Variants in ERC1 observed in about 807,000 individuals in gnomAD.
ERC1 encodes RAB6 interacting protein 2.
Under a neutral mutation model 132.0 loss-of-function variants are expected in ERC1, and 56 were observed. The observed-to-expected ratio is 0.42, with a 90% CI of 0.34 to 0.53. The LOEUF (loss-of-function observed/expected upper bound fraction) is 0.53, where lower values mean the gene tolerates loss of function less well. Among genes scored for constraint, ERC1 ranks in the 20% least tolerant of loss-of-function variants. The pLI, the probability that ERC1 is intolerant of heterozygous loss-of-function variation, is 0.03. For missense variants in ERC1, 1,202 were observed against 1,349.9 expected (o/e 0.89, Z 1.72); for synonymous variants, 478 against 476.1 (o/e 1.00, Z -0.05).
At chr12:1,314,652 T>C (rs1213817050) in intron 15 of ERC1, among the ~76,000 whole-genome samples, 1 of 152,226 alleles carries the variant, frequency 6.6e-6, no homozygotes, top group Non-Finnish European at 1.5e-5. Flanking sequence ...TTTACTGTAG[T>C]AATTTGTGTG....
chr12:1,124,890 GAAC>G (rs1475032107), intron 7 of ERC1, among the ~76,000 whole-genome samples: 1 of 152,036 alleles, frequency 6.6e-6, no homozygotes, highest in African/African-American at 2.4e-5. Context: ...GAGAAAACAT[GAAC>G]AACAGTCGTT....
At chr12:997,682 G>A (rs1190973824) in intron 1 of ERC1, among the ~76,000 whole-genome samples, 1 of 152,202 alleles carries the variant, frequency 6.6e-6, no homozygotes, top group African/African-American at 2.4e-5. Context: ...CTGTGCTGCT[G>A]AATAGCATGA....
intron 12 of ERC1, chr12:1,190,290 A>T: frequency 1.6e-6 from 1 of 623,176 alleles, no homozygotes; most frequent in East Asian, 3.2e-5. Context: ...ATTGATTGGC[A>T]AAAAAGAGAG....
At chr12:1,284,002 C>T (rs1446470981) in intron 14 of ERC1, among the ~76,000 whole-genome samples, 2 of 152,118 alleles carry the variant, frequency 1.3e-5, no homozygotes, top group South Asian at 2.1e-4. Context: ...ACAACTTACT[C>T]CTTCTATCTA....
intron 13 of ERC1, among the ~76,000 whole-genome samples, chr12:1,247,795 A>G (rs1373403862): frequency 1.3e-5 from 2 of 152,084 alleles, no homozygotes; most frequent in Non-Finnish European, 2.9e-5. Context: ...TCAGGAGTTC[A>G]AGACCAGCAT....
chr12:1,020,272 T>C (rs1966150475), intron 1 of ERC1, among the ~76,000 whole-genome samples: 1 of 152,032 alleles, frequency 6.6e-6, no homozygotes, highest in African/African-American at 2.4e-5. Flanking sequence ...GCCTGGCCAA[T>C]ATGGCGAAAC....
At chr12:1,042,569 C>G (rs1050657013) in intron 2 of ERC1, among the ~76,000 whole-genome samples, 2 of 150,648 alleles carry the variant, frequency 1.3e-5, no homozygotes, top group Non-Finnish European at 3.0e-5. Context: ...AACTCCTGAA[C>G]CCAAGTGATC....
chr12:1,030,312 TAAG>T (rs1967774486), intron 2 of ERC1, among the ~76,000 whole-genome samples: 1 of 152,192 alleles, frequency 6.6e-6, no homozygotes, highest in African/African-American at 2.4e-5. Context: ...TAAATGATAC[TAAG>T]AAGTAAAGAA....
chr12:1,004,806 CTGTGTGTG>C (rs60674277), intron 1 of ERC1, among the ~76,000 whole-genome samples: 48,118 of 146,634 alleles, frequency 0.33, 8,715 homozygotes, highest in East Asian at 0.66. Context: ...CTGCCTTTTT[CTGTGTGTG>C]TGTGTGTGTG....
At chr12:1,462,968 A>G (rs59958241) in intron 18 of ERC1, among the ~76,000 whole-genome samples, 1,769 of 152,010 alleles carry the variant, frequency 0.012, 25 homozygotes, top group African/African-American at 0.039. Flanking sequence ...CCAGCCTCCC[A>G]TCAGAGGCTG....
At chr12:1,462,945 T>C (rs551343499) in intron 18 of ERC1, among the ~76,000 whole-genome samples, 2 of 152,218 alleles carry the variant, frequency 1.3e-5, no homozygotes, top group East Asian at 1.9e-4. Flanking sequence ...CTTTTTTTTT[T>C]CCACCGTAAA....
At chr12:1,471,332 G>A (rs1265975068) in intron 18 of ERC1, among the ~76,000 whole-genome samples, 5 of 152,124 alleles carry the variant, frequency 3.3e-5, no homozygotes, top group African/African-American at 4.8e-5. Context: ...AGACTATCAC[G>A]TAGAAAAAAC....
chr12:1,116,222 G>A, intron 7 of ERC1, 189 bp downstream of exon 7: 1 of 468,436 alleles, frequency 2.1e-6, no homozygotes. Context: ...GATCTAACAA[G>A]TTAAAACAGG....
At chr12:1,046,219 A>G (rs1341893550) in intron 2 of ERC1, among the ~76,000 whole-genome samples, 1 of 152,204 alleles carries the variant, frequency 6.6e-6, no homozygotes, top group African/African-American at 2.4e-5. Context: ...TCATTCCACA[A>G]TAAGAGACAG....
At chr12:1,345,993 C>T (rs779208452) in intron 15 of ERC1, among the ~76,000 whole-genome samples, 7 of 152,142 alleles carry the variant, frequency 4.6e-5, no homozygotes, top group Non-Finnish European at 1.0e-4. Context: ...TTCCCGGATG[C>T]TCTCTTCCTG....
chr12:1,254,426 T>C (rs2076661173), intron 13 of ERC1, among the ~76,000 whole-genome samples: 1 of 152,226 alleles, frequency 6.6e-6, no homozygotes. Context: ...CTCCAAACAG[T>C]ACCTGTGTTA....
intron 17 of ERC1, among the ~76,000 whole-genome samples, chr12:1,442,630 AT>A (rs1436449547): frequency 6.6e-6 from 1 of 152,230 alleles, no homozygotes; most frequent in Non-Finnish European, 1.5e-5. Context: ...CAAGCTGAAG[AT>A]TGTTTTAGCC....
At chr12:1,196,976 ATTTTTTTT>A (rs1172269593) in intron 12 of ERC1, among the ~76,000 whole-genome samples, 6,243 of 73,320 alleles carry the variant, frequency 0.085, 995 homozygotes, top group African/African-American at 0.27. Flanking sequence ...ATATATATAT[ATTTTTTTT>A]TTTTTTTTTT....
rs200038035 is a variant in ERC1, at chr12:1,187,929, C to G, written c.2158-1930C>G. Among the ~76,000 whole-genome samples, 65 of 152,234 alleles carry G rather than the reference C, an allele frequency of 4.3e-4. 1 individual carries two copies. The East Asian group carries it at 0.01, about 24-fold the overall frequency. On this transcript the variant is annotated intron_variant, in intron 11 of 18. Transcript: ENST00000360905. ...TATATCAAGGAGAACTAACTTAGGT[C>G]AAGGTCATGGAGAACCTCCTAACAA...
Sources: allele counts gnomAD v4.1 joint callset (sites outside exome capture counted in the v4.1 genomes callset), GRCh38; gene constraint gnomAD v4.1.1; transcripts MANE v1.5; gene names NCBI Gene and HGNC (gene_info 2026-07-23, HGNC 2026-07-21).